The following CHSY1 variants were observed in gnomAD, a reference collection of about 807,000 sequenced individuals.
CHSY1 encodes chondroitin sulfate synthase 1.
A neutral mutation model predicts 59.8 loss-of-function variants in CHSY1; 13 were observed. The observed-to-expected ratio is 0.22, with a 90% CI of 0.14 to 0.35. CHSY1 has a LOEUF of 0.35. CHSY1 is among the 10% of genes least tolerant of loss of function. The probability of loss-of-function intolerance (pLI) is 1.00; values close to 1 mark genes in which losing one functional copy is unlikely to be tolerated. For missense variants in CHSY1, 947 were observed against 1,030.6 expected (o/e 0.92, Z 1.11); for synonymous variants, 459 against 401.2 (o/e 1.14, Z -1.72).
At chr15:101,228,510 T>C (rs1053233201) in intron 2 of CHSY1, among the ~76,000 whole-genome samples, 9 of 152,002 alleles carry the variant, frequency 5.9e-5, no homozygotes, top group African/African-American at 2.2e-4. Flanking sequence ...TCAATAAGAT[T>C]AACAACTGAT....
At chr15:101,234,402 C>T (rs1403920972) in intron 2 of CHSY1, among the ~76,000 whole-genome samples, 1 of 152,138 alleles carries the variant, frequency 6.6e-6, no homozygotes, top group Non-Finnish European at 1.5e-5. Flanking sequence ...CAGGCCTTTG[C>T]AAAAACAAAT....
At position 101,235,408 on chromosome 15, in the gene CHSY1, A is replaced by G; in HGVS notation, c.490T>C (p.Tyr164His). ...TCATCTGCTCTCATAAACCATTCAT[A>G]CTTGTCCAAGTAGTGGTCGTGCATG... ...KYMHDHYLDK[Y>H]EWFMRADDDV... The change falls in exon 2 of 3, where the codon TAT (tyrosine) becomes CAT (histidine). Residue 164 changes from tyrosine (Y) to histidine (H), a missense_variant. Physicochemically the swap from Tyr to His is moderately conservative, Grantham distance 83. Coordinates refer to ENST00000254190, the MANE Select transcript of CHSY1 (RefSeq NM_014918.5). 6.2e-7 allele frequency: 1 copy of G among 1,614,056 alleles called. No individual in the cohort carries two copies. Among genetic ancestry groups the G allele is most frequent in the Non-Finnish European group, 8.5e-7 (1 of 1,180,022 alleles).
chr15:101,239,863 T>A (rs1376811797), intron 1 of CHSY1, among the ~76,000 whole-genome samples: 1 of 152,184 alleles, frequency 6.6e-6, no homozygotes, highest in Non-Finnish European at 1.5e-5. Flanking sequence ...TGAAGCTTCA[T>A]TATAGTTTGG....
At chr15:101,182,097 C>T (rs536602252) in intron 2 of CHSY1, among the ~76,000 whole-genome samples, 2 of 152,244 alleles carry the variant, frequency 1.3e-5, no homozygotes, top group East Asian at 1.9e-4. Flanking sequence ...AATGGATGGG[C>T]CATTGCAGCT....
At chr15:101,240,544 C>G (rs1159116898) in intron 1 of CHSY1, among the ~76,000 whole-genome samples, 5 of 152,226 alleles carry the variant, frequency 3.3e-5, no homozygotes, top group South Asian at 2.1e-4. Context: ...CCAGATAAGA[C>G]AGCTGAAACT....
Position 101,251,258 on chromosome 15 carries a change from C to G in CHSY1, c.199G>C (p.Gly67Arg), listed in dbSNP as rs1363150208. The G allele has an allele frequency of 2.9e-6, 4 of 1,385,088 alleles. No individual in the cohort carries two copies. The highest frequency in any genetic ancestry group is 1.6e-5 in the South Asian group (1 of 60,976). 85.8% of individuals were successfully genotyped at this position (1,385,088 alleles called of 1,614,324 possible). ...QAGGARGDARGAQLWPPGSDP... is the reference protein window; with the variant it reads ...QAGGARGDARRAQLWPPGSDP... ...GAGCCGGGCGGCCAGAGCTGCGCCCCGCGCGCATCGCCGCGCGCCCCGCCG... is the reference window on the plus strand; with the variant it reads ...GAGCCGGGCGGCCAGAGCTGCGCCCGGCGCGCATCGCCGCGCGCCCCGCCG... The change falls in exon 1 of 3, where the codon GGG becomes CGG. Residue 67 changes from glycine to arginine, a missense_variant. This residue lies in a region of CHSY1 where 232 missense variants were observed against 188.5 expected (regional missense o/e 1.23). Transcript: ENST00000254190.
chr15:101,213,851 T>C (rs1232119308), intron 2 of CHSY1, among the ~76,000 whole-genome samples: 1 of 152,216 alleles, frequency 6.6e-6, no homozygotes, highest in Admixed American at 6.5e-5. Flanking sequence ...AGACTCGGTG[T>C]TTAAGTCTTA....
chr15:101,251,169 T>C lies in CHSY1; in HGVS notation c.288A>G (p.Lys96=), dbSNP rs1201490216. ...FLFVGVMTAQ[K]YLQTRAVAAY... is the part of the protein sequence containing the mutation. ...CGGCCACGGCCCGAGTCTGCAGGTA[T>C]TTCTGGGCGGTCATGACTCCCACGA... Residue 96 remains lysine, a synonymous_variant, in exon 1 of 3, where the codon AAA becomes AAG. Coordinates refer to ENST00000254190, the MANE Select transcript of CHSY1 (RefSeq NM_014918.5). 1 of 1,597,852 alleles carries C rather than the reference T, an allele frequency of 6.3e-7. No homozygotes were observed. Among genetic ancestry groups the C allele is most frequent in the Non-Finnish European group, 8.5e-7 (1 of 1,175,488 alleles).
At chr15:101,222,891 C>T (rs534921601) in intron 2 of CHSY1, among the ~76,000 whole-genome samples, 3 of 152,300 alleles carry the variant, frequency 2.0e-5, no homozygotes, top group Non-Finnish European at 2.9e-5. Context: ...GTCACCCTGT[C>T]CCTCCACAGT....
chr15:101,176,702 A>G lies in CHSY1; in HGVS notation c.*686T>C, dbSNP rs973579587. ...TCCCAGCTACTCGGGAGGCAAAGGCAGGGGAATTGCTTGAACCAGGGAAGT... is the reference window on the plus strand; with the variant it reads ...TCCCAGCTACTCGGGAGGCAAAGGCGGGGGAATTGCTTGAACCAGGGAAGT... On this transcript the variant is annotated 3_prime_UTR_variant, in exon 3 of 3. Coordinates refer to ENST00000254190, the MANE Select transcript of CHSY1 (RefSeq NM_014918.5). 1.1e-5 allele frequency: 3 copies of G among 276,306 alleles called. No homozygotes were observed. Among genetic ancestry groups the G allele is most frequent in the Non-Finnish European group, 1.3e-5 (2 of 150,110 alleles). The allele number at this position is 276,306 out of a possible 1,614,324, so 17.1% of individuals were successfully genotyped here.
intron 2 of CHSY1, among the ~76,000 whole-genome samples, chr15:101,195,548 G>T (rs2038495253): frequency 6.6e-6 from 1 of 152,270 alleles, no homozygotes; most frequent in Non-Finnish European, 1.5e-5. Context: ...CTGGCCGGGT[G>T]TGGTGGCCCA....
At chr15:101,247,401 C>A (rs1409010186) in intron 1 of CHSY1, among the ~76,000 whole-genome samples, 1 of 152,192 alleles carries the variant, frequency 6.6e-6, no homozygotes, top group African/African-American at 2.4e-5. Flanking sequence ...ACTTGCCCTG[C>A]CCCAACCCTG....
intron 2 of CHSY1, among the ~76,000 whole-genome samples, chr15:101,215,426 T>A (rs945009117): frequency 6.6e-6 from 1 of 152,222 alleles, no homozygotes; most frequent in Non-Finnish European, 1.5e-5. Flanking sequence ...TGCTATGGTA[T>A]AGAATCTTCT....
chr15:101,251,112 C>T (rs1408468236), intron 1 of CHSY1, 25 bp downstream of exon 1: 2 of 1,551,774 alleles, frequency 1.3e-6, no homozygotes, highest in South Asian at 2.3e-5. Context: ...ACGCAGGAGG[C>T]GGTGCCCGGG....
At chr15:101,179,923 T>C (rs2038253332) in intron 2 of CHSY1, among the ~76,000 whole-genome samples, 1 of 152,248 alleles carries the variant, frequency 6.6e-6, no homozygotes, top group Non-Finnish European at 1.5e-5. Context: ...ACAAAGCATG[T>C]TGGAATGCAG....
intron 2 of CHSY1, among the ~76,000 whole-genome samples, chr15:101,205,844 AG>A (rs1343054890): frequency 2.6e-5 from 4 of 151,828 alleles, no homozygotes; most frequent in African/African-American, 7.3e-5. Flanking sequence ...CCAGCTACTC[AG>A]GGGGGCTGAG....
chr15:101,191,445 CAG>C (rs1206752307), intron 2 of CHSY1, among the ~76,000 whole-genome samples: 1 of 152,178 alleles, frequency 6.6e-6, no homozygotes, highest in African/African-American at 2.4e-5. Flanking sequence ...AGGCAGATCA[CAG>C]AGGATTTTTA....
chr15:101,195,681 C>T (rs1018792414), intron 2 of CHSY1, among the ~76,000 whole-genome samples: 7 of 151,870 alleles, frequency 4.6e-5, no homozygotes, highest in Non-Finnish European at 8.8e-5. Context: ...CAAAATTAAC[C>T]GGGCGTGGTG....
chr15:101,236,406 A>G (rs1382595846), intron 1 of CHSY1, among the ~76,000 whole-genome samples: 1 of 152,178 alleles, frequency 6.6e-6, no homozygotes, highest in Non-Finnish European at 1.5e-5. Flanking sequence ...TAGTTTTACA[A>G]GGGGTTTCCC....
Sources: allele counts gnomAD v4.1 joint callset (sites outside exome capture counted in the v4.1 genomes callset), GRCh38; gene constraint gnomAD v4.1.1; regional missense constraint gnomAD v4.1.1; transcripts MANE v1.5; gene names NCBI Gene and HGNC (gene_info 2026-07-23, HGNC 2026-07-21).